MYO16: variants seen among roughly 807,000 people sequenced by gnomAD.
The protein encoded by MYO16 is myosin XVI.
Under a neutral mutation model 205.3 loss-of-function variants are expected in MYO16, and 94 were observed. The ratio of observed to expected loss-of-function variants is 0.46; its 90% CI spans 0.39 to 0.54. The LOEUF (loss-of-function observed/expected upper bound fraction) is 0.54. Ranked by LOEUF, MYO16 falls within the 20% of genes least tolerant of loss-of-function variation. The probability of loss-of-function intolerance (pLI) is 0.00; values close to 1 mark genes in which losing one functional copy is unlikely to be tolerated. For synonymous variants in MYO16, 988 were observed against 954.0 expected (o/e 1.04, Z -0.66); for missense variants, 2,315 against 2,387.5 (o/e 0.97, Z 0.63).
chr13:108,500,206 GTTTT>G, the MYO16 span, among the ~76,000 whole-genome samples: 7 of 11,946 alleles, frequency 5.9e-4, no homozygotes, highest in Non-Finnish European at 2.2e-3. Flanking sequence ...GTTGATTCCT[GTTTT>G]TTTTTTTTTT....
At chr13:108,556,745 A>G in the MYO16 span, among the ~76,000 whole-genome samples, 1 of 152,022 alleles carries the variant, frequency 6.6e-6, no homozygotes, top group Non-Finnish European at 1.5e-5. Flanking sequence ...ATTTTCTTCT[A>G]GTTGCTTTAT....
intron 20 of MYO16, among the ~76,000 whole-genome samples, chr13:108,969,749 C>T (rs943240805): frequency 8.5e-5 from 13 of 152,154 alleles, no homozygotes; most frequent in Non-Finnish European, 1.3e-4. Context: ...CCTCTCTGCC[C>T]GACTACAGCA....
Position 109,047,001 on chromosome 13 carries a change from T to A in MYO16, c.2872+10T>A. The A allele has an allele frequency of 6.3e-7, 1 of 1,576,736 alleles. No homozygotes were observed. Among genetic ancestry groups the A allele is most frequent in the Non-Finnish European group, 8.7e-7 (1 of 1,146,846 alleles). ...CTATTTGTAATGAAAAGTAAGTTGA[T>A]TTTTTTTCCTGCCCTACACTGGTTA... On this transcript the variant is annotated intron_variant, in intron 24 of 34. Transcript: ENST00000457511.
intron 7 of MYO16, among the ~76,000 whole-genome samples, chr13:108,808,044 A>G (rs987255236): frequency 6.6e-6 from 1 of 152,110 alleles, no homozygotes; most frequent in African/African-American, 2.4e-5. Context: ...GAGAATCTAG[A>G]TATTTATTTT....
the MYO16 span, among the ~76,000 whole-genome samples, chr13:108,509,122 A>C: frequency 1.3e-5 from 2 of 152,208 alleles, no homozygotes; most frequent in Non-Finnish European, 2.9e-5. Flanking sequence ...ATTTTAGTAA[A>C]AGATAGTTAA....
intron 24 of MYO16, among the ~76,000 whole-genome samples, chr13:109,051,227 C>G (rs1365951549): frequency 6.6e-6 from 1 of 152,130 alleles, no homozygotes; most frequent in African/African-American, 2.4e-5. Context: ...CCTGACAGTT[C>G]TTCCTGCTTC....
the MYO16 span, among the ~76,000 whole-genome samples, chr13:108,590,624 T>TA: frequency 6.6e-6 from 1 of 152,098 alleles, no homozygotes; most frequent in Non-Finnish European, 1.5e-5. Flanking sequence ...GATGTTCTTA[T>TA]GAGAGGAGGG....
chr13:108,569,799 T>C, the MYO16 span, among the ~76,000 whole-genome samples: 18 of 152,110 alleles, frequency 1.2e-4, no homozygotes, highest in Non-Finnish European at 2.2e-4. Context: ...ATGTCCTTTA[T>C]TGGGTTGAGA....
chr13:108,996,560 G>A (rs533984115), intron 21 of MYO16, among the ~76,000 whole-genome samples: 2 of 152,282 alleles, frequency 1.3e-5, no homozygotes, highest in South Asian at 2.1e-4. Flanking sequence ...TACTAAAGTA[G>A]TTACCTGTTT....
chr13:109,078,125 C>T (rs1216109178), intron 27 of MYO16, among the ~76,000 whole-genome samples: 2 of 151,922 alleles, frequency 1.3e-5, no homozygotes, highest in African/African-American at 4.8e-5. Flanking sequence ...AATTTGGATC[C>T]CTTAAAATTC....
chr13:108,957,383 C>CAAAAAAA (rs33954239), intron 16 of MYO16, among the ~76,000 whole-genome samples: 14 of 96,890 alleles, frequency 1.4e-4, no homozygotes, highest in East Asian at 6.0e-4. Flanking sequence ...AACTCCATCT[C>CAAAAAAA]AAAAAAAAAA....
intron 20 of MYO16, among the ~76,000 whole-genome samples, chr13:108,980,884 G>T (rs75276536): frequency 6.6e-6 from 1 of 152,084 alleles, no homozygotes; most frequent in Non-Finnish European, 1.5e-5. Flanking sequence ...TATGAGGTTG[G>T]CATTCTTGTC....
chr13:108,952,137 A>G (rs1006328101), intron 16 of MYO16, among the ~76,000 whole-genome samples: 1 of 151,352 alleles, frequency 6.6e-6, no homozygotes, highest in Non-Finnish European at 1.5e-5. Context: ...AAATAAATAA[A>G]TAAATAAATA....
the MYO16 span, among the ~76,000 whole-genome samples, chr13:108,571,450 G>C: frequency 3.3e-5 from 5 of 152,096 alleles, no homozygotes; most frequent in Admixed American, 2.0e-4. Flanking sequence ...ATCTTAAGAG[G>C]CTAATCATGA....
chr13:109,111,449 T>C (rs1283811277), intron 28 of MYO16, among the ~76,000 whole-genome samples: 1 of 152,326 alleles, frequency 6.6e-6, no homozygotes, highest in East Asian at 1.9e-4. Flanking sequence ...TTTTCCAGAA[T>C]ACTGATATGT....
chr13:108,595,983 C>T (rs368345734), upstream of MYO16, among the ~76,000 whole-genome samples: 4 of 148,654 alleles, frequency 2.7e-5, no homozygotes, highest in East Asian at 6.0e-4. Context: ...AGCAGCCAAC[C>T]GCTGTGGGCT....
chr13:108,647,537 G>A (rs1880808538), intron 1 of MYO16, among the ~76,000 whole-genome samples: 2 of 152,118 alleles, frequency 1.3e-5, no homozygotes, highest in South Asian at 4.1e-4. Context: ...AAACTGATAA[G>A]TGCTTGAAAT....
At chr13:108,792,278 T>C (rs193013869) in intron 5 of MYO16, among the ~76,000 whole-genome samples, 16 of 152,300 alleles carry the variant, frequency 1.1e-4, no homozygotes, top group Admixed American at 3.3e-4. Context: ...TTAGTAGTCA[T>C]GAAATGTTCA....
At chr13:108,625,802 AC>A (rs1248264430), upstream of MYO16, among the ~76,000 whole-genome samples, 1 of 152,192 alleles carries the variant, frequency 6.6e-6, no homozygotes, top group Non-Finnish European at 1.5e-5. Context: ...GTTAATACGT[AC>A]CTTTCCCAAA....
Sources: allele counts gnomAD v4.1 joint callset (sites outside exome capture counted in the v4.1 genomes callset), GRCh38; gene constraint gnomAD v4.1.1; transcripts MANE v1.5; gene names NCBI Gene and HGNC (gene_info 2026-07-23, HGNC 2026-07-21).